TMPRSS9: variants seen among roughly 807,000 people sequenced by gnomAD.
The protein encoded by TMPRSS9 is transmembrane serine protease 9.
TMPRSS9 carries 113 observed loss-of-function variants against 111.4 expected under a neutral mutation model. That is an observed-to-expected ratio of 1.01 (90% CI 0.87 to 1.19). The LOEUF is 1.19. Among genes scored for constraint, TMPRSS9 ranks in the 50% most tolerant of loss-of-function variants. The probability of loss-of-function intolerance (pLI) is 0.00; values close to 1 mark genes in which losing one functional copy is unlikely to be tolerated. For synonymous variants in TMPRSS9, 805 were observed against 659.1 expected (o/e 1.22, Z -3.39); for missense variants, 1,803 against 1,513.1 (o/e 1.19, Z -3.18).
At chr19:2,389,166 C>A (rs927555372), upstream of TMPRSS9, among the ~76,000 whole-genome samples, 18 of 150,490 alleles carry the variant, frequency 1.2e-4, no homozygotes, top group African/African-American at 4.4e-4. Context: ...CTCCGCCTCC[C>A]GGGTTCAAGC....
intron 8 of TMPRSS9, among the ~76,000 whole-genome samples, chr19:2,409,343 C>T (rs934087133): frequency 4.0e-5 from 6 of 151,788 alleles, no homozygotes; most frequent in Non-Finnish European, 8.8e-5. Context: ...AAAGTTTCAC[C>T]GTGTTGGCCG....
In TMPRSS9 at chr19:2,415,688, C is replaced by G. The variant is rs145686165; in HGVS notation, c.1592C>G (p.Ala531Gly). 153 of 1,602,098 alleles carry G rather than the reference C, an allele frequency of 9.5e-5. 2 individuals carry two copies. The African/African-American group carries it at 1.9e-3, about 20-fold the overall frequency. ...CTTCCAGAATGTGGGGCCAGGCCTG[C>G]AATGGAGAAGCCCACCCGGGTCGTG... The change falls in exon 11 of 18, where the codon GCA (alanine) becomes GGA (glycine). Residue 531 changes from alanine (A) to glycine (G), a missense_variant. By Grantham distance (60) the Ala-to-Gly change is moderately conservative. Coordinates refer to ENST00000648592, the Ensembl canonical transcript of TMPRSS9.
intron 10 of TMPRSS9, among the ~76,000 whole-genome samples, 180 bp from the exon 12 acceptor site, chr19:2,415,490 G>A (rs1971209174): frequency 1.3e-5 from 2 of 152,134 alleles, no homozygotes; most frequent in South Asian, 2.1e-4. Flanking sequence ...CCACGAACTT[G>A]CTGCAGGACC....
At chr19:2,418,280 T>C (rs12459117) in intron 13 of TMPRSS9, 142 bp downstream of exon 14, 6 of 621,920 alleles carry the variant, frequency 9.6e-6, no homozygotes, top group Middle Eastern at 4.0e-4. Context: ...TTCCCTCCTT[T>C]TCCTTTCCTC....
chr19:2,406,835 C>T (rs1332891303), intron 7 of TMPRSS9, among the ~76,000 whole-genome samples: 1 of 150,292 alleles, frequency 6.7e-6, no homozygotes, highest in Admixed American at 6.7e-5. Context: ...GAGTCTCACT[C>T]TGTCGCCCTG....
At chr19:2,390,231 G>GTTTTTTTTTTTTTTTTTTTTTTTTT (rs1198106187) in intron 1 of TMPRSS9, among the ~76,000 whole-genome samples, 1 of 110,570 alleles carries the variant, frequency 9.0e-6, no homozygotes, top group African/African-American at 3.6e-5. Flanking sequence ...ACCCAAAGTA[G>GTTTTTTTTTTTTTTTTTTTTTTTTT]TTTTTTTTTT....
chr19:2,415,606 C>G, intron 10 of TMPRSS9, 64 bp from the exon 12 acceptor site: 1 of 1,401,264 alleles, frequency 7.1e-7, no homozygotes, highest in Non-Finnish European at 9.4e-7. Context: ...TGGGACCACC[C>G]CACCGGATGC....
exon 9 of TMPRSS9, chr19:2,410,334 T>C (rs3848635): frequency 0.29 from 472,008 of 1,613,712 alleles, 73,421 homozygotes; most frequent in African/African-American, 0.56. Flanking sequence ...TGTACGGCCA[T>C]TCACTCACTG....
intron 1 of TMPRSS9, among the ~76,000 whole-genome samples, chr19:2,379,181 CTT>C (rs919990556): frequency 4.0e-5 from 4 of 99,416 alleles, no homozygotes; most frequent in African/African-American, 1.4e-4. Context: ...GCTTCTTTCT[CTT>C]TTTTTTTTTT....
chr19:2,402,429 G>A (rs1970870154), intron 5 of TMPRSS9, among the ~76,000 whole-genome samples: 1 of 150,966 alleles, frequency 6.6e-6, no homozygotes, highest in African/African-American at 2.4e-5. Flanking sequence ...GTGACAGAGT[G>A]AAACTGTGTC....
intron 11 of TMPRSS9, 110 bp from the exon 13 acceptor site, chr19:2,416,428 G>T (rs990099270): frequency 7.1e-7 from 1 of 1,406,816 alleles, no homozygotes; most frequent in Non-Finnish European, 9.5e-7. Flanking sequence ...TGGTCCTGGG[G>T]CCCAGGCAGC....
chr19:2,424,541 C>A (rs568227687), intron 15 of TMPRSS9, among the ~76,000 whole-genome samples: 41 of 139,580 alleles, frequency 2.9e-4, no homozygotes, highest in African/African-American at 9.0e-4. Context: ...GCGGCCCCCC[C>A]CCTCCAGCTC....
intron 1 of TMPRSS9, among the ~76,000 whole-genome samples, chr19:2,379,181 CTTTTTT>C (rs919990556): frequency 3.7e-4 from 37 of 99,416 alleles, no homozygotes; most frequent in Non-Finnish European, 5.6e-4. Flanking sequence ...GCTTCTTTCT[CTTTTTT>C]TTTTTTTTTT....
intron 10 of TMPRSS9, 143 bp downstream of exon 11, chr19:2,414,161 C>G (rs774900320): frequency 9.5e-6 from 8 of 842,004 alleles, no homozygotes; most frequent in Admixed American, 2.9e-5. Flanking sequence ...TCCCATCTTA[C>G]GTTGCGTGTA....
exon 18 of TMPRSS9, chr19:2,426,082 G>A (rs770657224): frequency 6.2e-6 from 10 of 1,605,340 alleles, no homozygotes; most frequent in Non-Finnish European, 7.6e-6. Flanking sequence ...AGCACATCCA[G>A]GAGTGACCAC....
chr19:2,424,389 C>G (rs542506601), intron 15 of TMPRSS9, 132 bp downstream of exon 16: 1 of 1,005,724 alleles, frequency 9.9e-7, no homozygotes, highest in East Asian at 3.3e-5. Context: ...CCCACTGCCC[C>G]AGGCCACTCC....
At chr19:2,394,239 C>T (rs1271583893) in intron 1 of TMPRSS9, among the ~76,000 whole-genome samples, 1 of 112,400 alleles carries the variant, frequency 8.9e-6, no homozygotes, top group Non-Finnish European at 1.9e-5. Context: ...GCCAGCCAGG[C>T]GTGATAGTGG....
At chr19:2,392,265 T>C (rs10419394) in intron 1 of TMPRSS9, among the ~76,000 whole-genome samples, 82,646 of 151,848 alleles carry the variant, frequency 0.54, 23,239 homozygotes, top group Middle Eastern at 0.68. Context: ...TGGTTGTGCG[T>C]GCCAGTAGTC....
intron 6 of TMPRSS9, among the ~76,000 whole-genome samples, chr19:2,404,218 C>G (rs1216428978): frequency 6.6e-6 from 1 of 151,992 alleles, no homozygotes; most frequent in East Asian, 1.9e-4. Flanking sequence ...TATAAAAATA[C>G]TAGCCCATGC....
Sources: allele counts gnomAD v4.1 joint callset (sites outside exome capture counted in the v4.1 genomes callset), GRCh38; gene constraint gnomAD v4.1.1; transcripts MANE v1.5; gene names NCBI Gene and HGNC (gene_info 2026-07-23, HGNC 2026-07-21).